Variants in DCHS2 observed in about 807,000 individuals in gnomAD.
DCHS2 encodes the protein dachsous cadherin-related 2, also known as protocadherin-23.
DCHS2 carries 142 observed loss-of-function variants against 182.4 expected under a neutral mutation model. That is an observed-to-expected ratio of 0.78 (90% CI 0.68 to 0.89). The LOEUF (loss-of-function observed/expected upper bound fraction) is 0.89. Ranked by LOEUF, DCHS2 falls within the 40% of genes least tolerant of loss-of-function variation. DCHS2 has a pLI of 0.00. For missense variants in DCHS2, 4,319 were observed against 4,198.6 expected (o/e 1.03, Z -0.79); for synonymous variants, 1,740 against 1,663.3 (o/e 1.05, Z -1.12).
intron 1 of DCHS2, among the ~76,000 whole-genome samples, chr4:154,485,296 A>T (rs927540457): frequency 2.6e-5 from 4 of 152,222 alleles, no homozygotes; most frequent in Admixed American, 2.0e-4. Context: ...AAAAAGATGC[A>T]TGCAAGAAAG....
Position 154,275,676 on chromosome 4 carries a change from T to C in DCHS2, c.6464-5663A>G, listed in dbSNP as rs912581451. Among the ~76,000 whole-genome samples the C allele has an allele frequency of 4.6e-5, 7 of 152,036 alleles. No homozygotes were observed. In the South Asian group the frequency reaches 1.2e-3, roughly 27 times the overall value. On this transcript the variant is annotated intron_variant, in intron 13 of 19. Coordinates refer to ENST00000357232, the MANE Select transcript of DCHS2 (RefSeq NM_001358235.2). The stretch of plus-strand genomic sequence containing the variant: ...AAATTTTATTTCAACTGGCTTGTCA[T>C]ATAAGTCTTAAGGATGGCAGTAAGA...
At chr4:154,268,899 C>T (rs1420825379) in intron 14 of DCHS2, among the ~76,000 whole-genome samples, 2 of 152,130 alleles carry the variant, frequency 1.3e-5, no homozygotes, top group African/African-American at 4.8e-5. Flanking sequence ...GTTAGGAGTG[C>T]GGTGGCGGAG....
At chr4:154,273,787 C>T (rs903586004) in intron 13 of DCHS2, among the ~76,000 whole-genome samples, 2 of 36,738 alleles carry the variant, frequency 5.4e-5, no homozygotes, top group African/African-American at 1.1e-4. Flanking sequence ...TCTTGCAATG[C>T]CTGTGCTTCT....
chr4:154,432,195 G>A (rs569790235), intron 1 of DCHS2, among the ~76,000 whole-genome samples: 5 of 152,192 alleles, frequency 3.3e-5, no homozygotes, highest in Non-Finnish European at 5.9e-5. Context: ...TGTCTAAAGA[G>A]CAACTTGAAT....
chr4:154,414,802 C>A (rs557471624), intron 1 of DCHS2, among the ~76,000 whole-genome samples: 1 of 152,108 alleles, frequency 6.6e-6, no homozygotes, highest in Admixed American at 6.5e-5. Context: ...TGAGACCTTG[C>A]TCACCTCTTT....
At chr4:154,345,959 G>A (rs1729340661) in intron 3 of DCHS2, among the ~76,000 whole-genome samples, 1 of 152,196 alleles carries the variant, frequency 6.6e-6, no homozygotes, top group African/African-American at 2.4e-5. Flanking sequence ...CAAGATCATG[G>A]TGCCAGCAGA....
intron 2 of DCHS2, among the ~76,000 whole-genome samples, chr4:154,371,052 A>T (rs1052778724): frequency 1.3e-5 from 2 of 152,186 alleles, no homozygotes; most frequent in African/African-American, 4.8e-5. Flanking sequence ...ATCCTTGGAA[A>T]TGAGAAAGTC....
intron 1 of DCHS2, among the ~76,000 whole-genome samples, chr4:154,426,153 C>G (rs1375846925): frequency 6.6e-6 from 1 of 152,216 alleles, no homozygotes; most frequent in African/African-American, 2.4e-5. Context: ...TGCCAACCCC[C>G]ACCCCAGACC....
rs189809409 is a variant in DCHS2, at chr4:154,323,383, G to A, written c.4019-895C>T. On this transcript the variant is annotated intron_variant, in intron 7 of 19. Coordinates refer to ENST00000357232, the MANE Select transcript of DCHS2 (RefSeq NM_001358235.2). Reference sequence around the variant, plus strand: ...CTCTTTCTGTTACCCAGGCTGGAGCGCAATTGTGCCATGATAGCTCACTGC... The same window carrying A: ...CTCTTTCTGTTACCCAGGCTGGAGCACAATTGTGCCATGATAGCTCACTGC... 4.5e-5 allele frequency: 70 copies of A among 1,538,838 alleles called. 1 individual carries two copies. In the African/African-American group the frequency reaches 7.5e-4, roughly 16 times the overall value.
intron 1 of DCHS2, among the ~76,000 whole-genome samples, chr4:154,462,757 T>A (rs956992607): frequency 6.6e-6 from 1 of 152,122 alleles, no homozygotes; most frequent in Non-Finnish European, 1.5e-5. Flanking sequence ...TCTAATAGAT[T>A]TAAAATTTAT....
rs544304162 is a variant in DCHS2, at chr4:154,490,384, G to A, written c.972C>T (p.Asp324=). ...EVCRVRATDR[D]LGPNGFVRYS... ...AGCGCACGAAGCCATTGGGCCCCAG[G>A]TCGCGGTCGGTGGCGCGCACGCGAC... Residue 324 remains aspartate, a synonymous_variant, in exon 1 of 20, where the codon GAC becomes GAT. Coordinates refer to ENST00000357232, the MANE Select transcript of DCHS2 (RefSeq NM_001358235.2). 1.4e-4 allele frequency: 217 copies of A among 1,534,252 alleles called. 2 individuals are homozygous for A. The South Asian group carries it at 2.4e-3, about 17-fold the overall frequency.
At chr4:154,317,922 T>C (rs1308397732) in intron 9 of DCHS2, among the ~76,000 whole-genome samples, 1 of 152,154 alleles carries the variant, frequency 6.6e-6, no homozygotes, top group Non-Finnish European at 1.5e-5. Context: ...ATTCAGCCAT[T>C]AAAAATATAT....
chr4:154,282,128 T>C (rs965511230), intron 13 of DCHS2, among the ~76,000 whole-genome samples: 12 of 152,102 alleles, frequency 7.9e-5, no homozygotes, highest in African/African-American at 2.9e-4. Context: ...TGATTCATTC[T>C]TTGGATATAA....
chr4:154,254,562 C>T (rs189150745), intron 16 of DCHS2, among the ~76,000 whole-genome samples: 108 of 152,282 alleles, frequency 7.1e-4, no homozygotes, highest in African/African-American at 2.4e-3. Flanking sequence ...GCTGGCTGGG[C>T]GCAGTGGCTC....
chr4:154,330,051 T>C (rs1449052500), intron 5 of DCHS2, among the ~76,000 whole-genome samples: 3 of 152,238 alleles, frequency 2.0e-5, no homozygotes, highest in Non-Finnish European at 4.4e-5. Context: ...TATGCTGCTA[T>C]ACAGAATGAT....
intron 1 of DCHS2, among the ~76,000 whole-genome samples, chr4:154,396,611 C>T (rs2110861299): frequency 1.3e-5 from 2 of 152,262 alleles, no homozygotes; most frequent in South Asian, 4.1e-4. Context: ...TCTCTAACCT[C>T]CTTTATAGCC....
intron 1 of DCHS2, among the ~76,000 whole-genome samples, chr4:154,447,107 C>A (rs1734332351): frequency 6.6e-6 from 1 of 152,020 alleles, no homozygotes; most frequent in South Asian, 2.1e-4. Flanking sequence ...GCCTGAACAA[C>A]ACGGCGAAAC....
chr4:154,235,372 GGCC>G lies in DCHS2; in HGVS notation c.9277_9279del (p.Gly3093del). 6.2e-7 allele frequency: 1 copy of G among 1,613,932 alleles called. No individual in the cohort carries two copies. Among genetic ancestry groups the G allele is most frequent in the South Asian group, 1.1e-5 (1 of 91,068 alleles). On this transcript the variant is annotated inframe_deletion, in exon 20 of 20. Transcript: ENST00000357232. ...GCAGTTTCTCCTTCCACAGAACAGT[GGCC>G]ACTGGAGTTTGAGTGTCTGTACAGA...
chr4:154,256,743 A>G (rs963491110), intron 15 of DCHS2, among the ~76,000 whole-genome samples: 1 of 152,084 alleles, frequency 6.6e-6, no homozygotes, highest in African/African-American at 2.4e-5. Context: ...CTCCTGGGCT[A>G]CTATACTGAT....
Sources: allele counts gnomAD v4.1 joint callset (sites outside exome capture counted in the v4.1 genomes callset), GRCh38; gene constraint gnomAD v4.1.1; transcripts MANE v1.5; gene names NCBI Gene and HGNC (gene_info 2026-07-23, HGNC 2026-07-21).